Variants in ENPP6 observed in about 807,000 individuals in gnomAD.
ENPP6 encodes the protein glycerophosphocholine cholinephosphodiesterase ENPP6.
A neutral mutation model predicts 42.0 loss-of-function variants in ENPP6; 32 were observed. The ratio of observed to expected loss-of-function variants is 0.76; its 90% CI spans 0.58 to 1.02. The LOEUF is 1.02. ENPP6 is among the 50% of genes least tolerant of loss of function. The pLI, the probability that ENPP6 is intolerant of heterozygous loss-of-function variation, is 0.00. For missense variants in ENPP6, 552 were observed against 566.8 expected (o/e 0.97, Z 0.27); for synonymous variants, 213 against 216.0 (o/e 0.99, Z 0.12).
At chr4:184,108,130 G>A (rs1579612125) in intron 6 of ENPP6, among the ~76,000 whole-genome samples, 1 of 152,106 alleles carries the variant, frequency 6.6e-6, no homozygotes, top group East Asian at 1.9e-4. Flanking sequence ...CTGGGATGGC[G>A]GCTACAGGCA....
intron 1 of ENPP6, among the ~76,000 whole-genome samples, chr4:184,187,054 C>T (rs1019061777): frequency 2.0e-5 from 3 of 152,042 alleles, no homozygotes; most frequent in African/African-American, 7.2e-5. Context: ...AGAAAGCACT[C>T]GTTCCACACA....
intron 1 of ENPP6, among the ~76,000 whole-genome samples, chr4:184,213,369 C>T (rs1276653165): frequency 1.1e-4 from 17 of 149,930 alleles, no homozygotes; most frequent in Middle Eastern, 3.4e-3. Flanking sequence ...CCAGAATCTA[C>T]GATGAACTCA....
intron 2 of ENPP6, among the ~76,000 whole-genome samples, chr4:184,142,023 G>T (rs1560990672): frequency 6.6e-6 from 1 of 152,166 alleles, no homozygotes; most frequent in Non-Finnish European, 1.5e-5. Flanking sequence ...CTACAGCTGA[G>T]AAAACAGAGG....
At chr4:184,195,022 A>ATT (rs11381145) in intron 1 of ENPP6, among the ~76,000 whole-genome samples, 12 of 151,974 alleles carry the variant, frequency 7.9e-5, no homozygotes, top group South Asian at 2.1e-4. Flanking sequence ...TCAGAGTCAG[A>ATT]TTTTTTTTAT....
At chr4:184,187,267 C>T (rs1732647703) in intron 1 of ENPP6, among the ~76,000 whole-genome samples, 2 of 152,148 alleles carry the variant, frequency 1.3e-5, no homozygotes, top group Non-Finnish European at 2.9e-5. Context: ...CCTGACCTTG[C>T]TTGGTCATTG....
chr4:184,121,033 T>C (rs1451011037), intron 3 of ENPP6, among the ~76,000 whole-genome samples: 2 of 152,126 alleles, frequency 1.3e-5, no homozygotes, highest in East Asian at 1.9e-4. Flanking sequence ...CAAGAAGTAT[T>C]TAACCTTCAG....
At chr4:184,150,582 A>C (rs1057071148) in intron 2 of ENPP6, among the ~76,000 whole-genome samples, 6 of 152,230 alleles carry the variant, frequency 3.9e-5, no homozygotes. Flanking sequence ...TAGACAGAGA[A>C]AGGATAGCAG....
chr4:184,215,741 G>T (rs1733185750), intron 1 of ENPP6, among the ~76,000 whole-genome samples: 1 of 152,162 alleles, frequency 6.6e-6, no homozygotes, highest in Admixed American at 6.5e-5. Context: ...GGAGACCTGT[G>T]GCTTCCTCGG....
chr4:184,131,302 T>TCCTTCCTTCCTG (rs1736627642), intron 2 of ENPP6, among the ~76,000 whole-genome samples: 1 of 146,962 alleles, frequency 6.8e-6, no homozygotes, highest in African/African-American at 2.5e-5. Context: ...CTTCCTTCCT[T>TCCTTCCTTCCTG]CCTTCCTTTC....
intron 6 of ENPP6, among the ~76,000 whole-genome samples, chr4:184,101,197 G>C (rs184653928): frequency 9.2e-5 from 14 of 152,052 alleles, no homozygotes; most frequent in South Asian, 6.2e-4. Flanking sequence ...CTGTGTATGA[G>C]AGTGTGTGAG....
intron 1 of ENPP6, among the ~76,000 whole-genome samples, chr4:184,182,175 A>C (rs1048963129): frequency 2.0e-5 from 3 of 151,896 alleles, no homozygotes; most frequent in Admixed American, 1.3e-4. Flanking sequence ...AAAAAAAAAA[A>C]CAACCCCATT....
chr4:184,102,464 A>G (rs189730397), intron 6 of ENPP6, among the ~76,000 whole-genome samples: 248 of 152,296 alleles, frequency 1.6e-3, no homozygotes, highest in Non-Finnish European at 2.3e-3. Flanking sequence ...GATCATATAT[A>G]TTTCTTGCCC....
At chr4:184,123,313 G>T (rs574033778) in intron 3 of ENPP6, among the ~76,000 whole-genome samples, 3 of 152,272 alleles carry the variant, frequency 2.0e-5, no homozygotes, top group African/African-American at 7.2e-5. Flanking sequence ...GCCTGGGTAT[G>T]TTGGTTCTCG....
intron 1 of ENPP6, among the ~76,000 whole-genome samples, chr4:184,208,564 A>T (rs9312324): frequency 0.64 from 97,172 of 150,990 alleles, 31,945 homozygotes; most frequent in East Asian, 0.84. Context: ...CGAGATTATA[A>T]CCCGCACCTG....
intron 3 of ENPP6, among the ~76,000 whole-genome samples, chr4:184,118,647 G>C (rs1257857821): frequency 1.3e-5 from 2 of 152,234 alleles, no homozygotes; most frequent in African/African-American, 4.8e-5. Context: ...AGGACCCTAT[G>C]TCTTCAAGGG....
chr4:184,211,053 C>T (rs1733101381), intron 1 of ENPP6, among the ~76,000 whole-genome samples: 1 of 150,372 alleles, frequency 6.7e-6, no homozygotes, highest in South Asian at 2.2e-4. Flanking sequence ...AACAAAGACA[C>T]AACATACCAG....
At chr4:184,108,313 C>T (rs1421123195) in intron 6 of ENPP6, among the ~76,000 whole-genome samples, 1 of 152,226 alleles carries the variant, frequency 6.6e-6, no homozygotes, top group Non-Finnish European at 1.5e-5. Flanking sequence ...GATGTGAAGT[C>T]TAAGCCAGCC....
intron 7 of ENPP6, among the ~76,000 whole-genome samples, chr4:184,093,753 G>A (rs1489971955): frequency 1.3e-5 from 2 of 151,818 alleles, no homozygotes; most frequent in African/African-American, 4.9e-5. Context: ...AGGCAGATCA[G>A]ACAATCAGAT....
At chr4:184,143,929 A>T (rs955414110) in intron 2 of ENPP6, among the ~76,000 whole-genome samples, 1 of 152,230 alleles carries the variant, frequency 6.6e-6, no homozygotes, top group Non-Finnish European at 1.5e-5. Flanking sequence ...TCTGCACACC[A>T]AGGGCTCAGG....
Sources: gnomAD v4.1 joint callset for allele counts (sites outside exome capture counted in the v4.1 genomes callset) on GRCh38, gnomAD v4.1.1 for gene constraint, MANE v1.5 for transcripts, NCBI Gene and HGNC (gene_info 2026-07-23, HGNC 2026-07-21) for gene names.